Variants in TRIM5 observed in about 807,000 individuals in gnomAD.
TRIM5 encodes the protein tripartite motif containing 5.
A neutral mutation model predicts 35.6 loss-of-function variants in TRIM5; 31 were observed. The observed-to-expected ratio is 0.87, with a 90% CI of 0.65 to 1.18. The LOEUF (loss-of-function observed/expected upper bound fraction) is 1.18. Among genes scored for constraint, TRIM5 ranks in the 50% most tolerant of loss-of-function variants. TRIM5 has a pLI of 0.00. For missense variants in TRIM5, 609 were observed against 591.6 expected (o/e 1.03, Z -0.31); for synonymous variants, 243 against 215.6 (o/e 1.13, Z -1.11).
At chr11:5,623,266 T>C in the TRIM5 span, among the ~76,000 whole-genome samples, 3 of 152,050 alleles carry the variant, frequency 2.0e-5, no homozygotes, top group Non-Finnish European at 4.4e-5. Flanking sequence ...AATGTATTAG[T>C]TACCAATATT....
downstream of TRIM5, among the ~76,000 whole-genome samples, chr11:5,660,649 A>AT (rs780594415): frequency 4.6e-5 from 7 of 151,326 alleles, no homozygotes; most frequent in African/African-American, 7.3e-5. Context: ...AAACTGCCGG[A>AT]TTTTTTTTTC....
the TRIM5 span, chr11:5,604,702 G>C: frequency 4.7e-6 from 7 of 1,483,950 alleles, no homozygotes; most frequent in South Asian, 8.2e-5. Flanking sequence ...GGGCAAAGGA[G>C]TCCTTGTCCT....
intron 4 of TRIM5, among the ~76,000 whole-genome samples, chr11:5,670,324 C>G (rs1851489671): frequency 6.8e-6 from 1 of 147,466 alleles, no homozygotes; most frequent in Non-Finnish European, 1.5e-5. Context: ...ACTACAGGCT[C>G]CCACCACCAC....
chr11:5,642,567 G>A, the TRIM5 span: 1 of 1,570,078 alleles, frequency 6.4e-7, no homozygotes, highest in Non-Finnish European at 8.7e-7. Flanking sequence ...GTAATAAACT[G>A]TCTAGGTGGG....
chr11:5,611,113 G>A, the TRIM5 span: 3 of 1,614,112 alleles, frequency 1.9e-6, no homozygotes, highest in Non-Finnish European at 1.7e-6. Flanking sequence ...CATGAATATA[G>A]GGCCTATGAG....
the TRIM5 span, among the ~76,000 whole-genome samples, chr11:5,616,111 C>T: frequency 2.3e-4 from 34 of 150,422 alleles, no homozygotes; most frequent in Middle Eastern, 6.9e-3. Context: ...CCACCACGCC[C>T]GGCTAATTTT....
At chr11:5,610,644 C>G in the TRIM5 span, 217 of 1,575,276 alleles carry the variant, frequency 1.4e-4, 1 homozygote, top group Middle Eastern at 5.1e-4. Context: ...CACACAGATC[C>G]TAGGTGTTGA....
chr11:5,614,062 A>C, the TRIM5 span, among the ~76,000 whole-genome samples: 4 of 152,322 alleles, frequency 2.6e-5, no homozygotes, highest in East Asian at 1.9e-4. Context: ...TATTAGGGTA[A>C]GTTCACAGCT....
At chr11:5,634,706 C>G in the TRIM5 span, 1 of 1,613,980 alleles carries the variant, frequency 6.2e-7, no homozygotes, top group African/African-American at 1.3e-5. Flanking sequence ...TAATGAGGAG[C>G]AGAGAGAGCT....
chr11:5,639,110 G>A, the TRIM5 span, among the ~76,000 whole-genome samples: 20 of 152,000 alleles, frequency 1.3e-4, no homozygotes, highest in Non-Finnish European at 2.2e-4. Flanking sequence ...TTTATTATTC[G>A]ATCAGACTTT....
chr11:5,643,522 C>T, the TRIM5 span: 1 of 1,614,180 alleles, frequency 6.2e-7, no homozygotes, highest in South Asian at 1.1e-5. Flanking sequence ...CTCTCCATGG[C>T]TGTGCCTCCC....
intron 1 of TRIM5, among the ~76,000 whole-genome samples, chr11:5,682,968 G>A (rs375355862): frequency 6.6e-5 from 10 of 152,318 alleles, no homozygotes; most frequent in African/African-American, 2.4e-4. Flanking sequence ...AGCGGGAACC[G>A]GGGCTGCGCG....
the TRIM5 span, chr11:5,641,200 G>A: frequency 6.2e-7 from 1 of 1,613,820 alleles, no homozygotes; most frequent in East Asian, 2.2e-5. Flanking sequence ...GTGCGTATGG[G>A]TGGCCAGGAG....
chr11:5,654,915 G>A, the TRIM5 span, among the ~76,000 whole-genome samples: 1 of 152,130 alleles, frequency 6.6e-6, no homozygotes, highest in Non-Finnish European at 1.5e-5. Flanking sequence ...TTCTGGCCGG[G>A]CACGGTAGCT....
chr11:5,666,102 A>C lies in TRIM5; in HGVS notation c.768-21T>G, dbSNP rs759544276. The C allele has an allele frequency of 3.8e-6, 6 of 1,580,988 alleles. No individual in the cohort carries two copies. In the South Asian group the frequency reaches 5.8e-5, roughly 15 times the overall value. Reference sequence around the variant, plus strand: ...CCGTCCTAAGAATTAAAAAAAAAAAAAAAAACTTCCAAACCTTTGACCTTG... The same window carrying C: ...CCGTCCTAAGAATTAAAAAAAAAAACAAAAACTTCCAAACCTTTGACCTTG... On this transcript the variant is annotated intron_variant, in intron 5 of 7. Transcript: ENST00000380034.
At chr11:5,632,523 A>G in the TRIM5 span, 1 of 1,613,908 alleles carries the variant, frequency 6.2e-7, no homozygotes, top group Non-Finnish European at 8.5e-7. Context: ...TCAGTTACTC[A>G]TTTGAACATC....
chr11:5,617,250 C>A, the TRIM5 span, among the ~76,000 whole-genome samples: 253 of 144,568 alleles, frequency 1.8e-3, 19 homozygotes, highest in South Asian at 4.5e-3. Context: ...GGAGAGAAAT[C>A]AAGATAGAAC....
the TRIM5 span, among the ~76,000 whole-genome samples, chr11:5,637,171 T>TA: frequency 2.7e-5 from 4 of 148,930 alleles, no homozygotes; most frequent in Admixed American, 6.7e-5. Flanking sequence ...AGACTCAGTC[T>TA]AAAAAAAAAA....
In TRIM5 at chr11:5,664,435, A is replaced by T; in HGVS notation, c.*374T>A. 9.9e-7 allele frequency: 1 copy of T among 1,013,874 alleles called. No individual in the cohort carries two copies. The highest frequency in any genetic ancestry group is 4.1e-5 in the South Asian group (1 of 24,426). The allele number at this position is 1,013,874 out of a possible 1,614,324, so 62.8% of individuals were successfully genotyped here. A position where few individuals can be genotyped will look rare whatever the true frequency, so the allele number is the denominator to read the frequency against. ...CTAAGGACTCATTCATTGGTGAACA[A>T]TTATCACACGATGATATAGAAAGGC... On this transcript the variant is annotated 3_prime_UTR_variant, in exon 8 of 8. Coordinates refer to ENST00000380034, the MANE Select transcript of TRIM5 (RefSeq NM_033034.3).
Sources: gnomAD v4.1 joint callset for allele counts (sites outside exome capture counted in the v4.1 genomes callset) on GRCh38, gnomAD v4.1.1 for gene constraint, MANE v1.5 for transcripts, NCBI Gene and HGNC (gene_info 2026-07-23, HGNC 2026-07-21) for gene names.